PDE7B: variants seen among roughly 807,000 people sequenced by gnomAD.
The protein encoded by PDE7B is phosphodiesterase 7B, also known as 3',5'-cyclic-AMP phosphodiesterase 7B.
PDE7B carries 29 observed loss-of-function variants against 56.2 expected under a neutral mutation model. The ratio of observed to expected loss-of-function variants is 0.52; its 90% CI spans 0.38 to 0.70. The LOEUF is 0.70. PDE7B is among the 30% of genes least tolerant of loss of function. The pLI is 0.00. For synonymous variants in PDE7B, 197 were observed against 196.9 expected, an observed-to-expected ratio of 1.00 and a Z score of 0.00; for missense variants, 490 against 565.0, an observed-to-expected ratio of 0.87 and a Z score of 1.35.
chr6:135,906,827 T>TTGTTTTTTTTTTTTTG, intron 1 of PDE7B, among the ~76,000 whole-genome samples: 1 of 133,454 alleles, frequency 7.5e-6, no homozygotes, highest in Admixed American at 7.3e-5. Flanking sequence ...TTTTTTTTTT[T>TTGTTTTTTTTTTTTTG]TTTTTTTTTA....
At chr6:135,857,969 T>C (rs1562412715) in intron 1 of PDE7B, among the ~76,000 whole-genome samples, 1 of 152,314 alleles carries the variant, frequency 6.6e-6, no homozygotes, top group East Asian at 1.9e-4. Context: ...AGGCTTACTT[T>C]TCTTGTATAT....
intron 3 of PDE7B, among the ~76,000 whole-genome samples, chr6:136,133,059 A>C (rs1408962994): frequency 1.3e-5 from 2 of 152,110 alleles, no homozygotes; most frequent in Non-Finnish European, 2.9e-5. Flanking sequence ...TAAATCACAG[A>C]ATCCACTCCA....
intron 9 of PDE7B, among the ~76,000 whole-genome samples, chr6:136,177,492 A>T (rs1201544029): frequency 6.6e-6 from 1 of 152,202 alleles, no homozygotes; most frequent in Non-Finnish European, 1.5e-5. Context: ...GACAAAAACT[A>T]GAGTAGAAAC....
At chr6:136,057,433 T>C (rs1466783565) in intron 2 of PDE7B, among the ~76,000 whole-genome samples, 2 of 152,228 alleles carry the variant, frequency 1.3e-5, no homozygotes, top group Non-Finnish European at 1.5e-5. Flanking sequence ...AAGTATACAA[T>C]GAAAGCCTAA....
At chr6:136,037,141 G>T (rs1019625241) in intron 2 of PDE7B, among the ~76,000 whole-genome samples, 1 of 152,194 alleles carries the variant, frequency 6.6e-6, no homozygotes, top group Non-Finnish European at 1.5e-5. Flanking sequence ...CCCTCCAGAA[G>T]GTGAATTGTT....
At chr6:136,090,130 GTTCTTTTT>G (rs1777363830) in intron 2 of PDE7B, among the ~76,000 whole-genome samples, 1 of 152,108 alleles carries the variant, frequency 6.6e-6, no homozygotes, top group East Asian at 1.9e-4. Flanking sequence ...ACAAGCGACT[GTTCTTTTT>G]TATCATCAGA....
intron 10 of PDE7B, among the ~76,000 whole-genome samples, chr6:136,180,526 T>C (rs1196989579): frequency 6.6e-6 from 1 of 152,212 alleles, no homozygotes; most frequent in Non-Finnish European, 1.5e-5. Flanking sequence ...CATTGCTATC[T>C]GTTCTGTGAT....
intron 12 of PDE7B, 74 bp from the exon 13 acceptor site, chr6:136,191,540 C>CA: frequency 8.0e-7 from 1 of 1,244,208 alleles, no homozygotes. Flanking sequence ...GGTGGGTCCC[C>CA]AGTCATGCTC....
intron 2 of PDE7B, among the ~76,000 whole-genome samples, chr6:135,959,935 G>A (rs1369706541): frequency 6.6e-6 from 1 of 151,990 alleles, no homozygotes; most frequent in Non-Finnish European, 1.5e-5. Flanking sequence ...CACCACCCCT[G>A]GCTAATTTTT....
At chr6:136,110,300 A>G (rs1777721572) in intron 3 of PDE7B, among the ~76,000 whole-genome samples, 1 of 152,112 alleles carries the variant, frequency 6.6e-6, no homozygotes, top group Admixed American at 6.5e-5. Context: ...TATACCCTGA[A>G]TGGGCTGTTC....
intron 1 of PDE7B, among the ~76,000 whole-genome samples, chr6:135,876,937 T>C (rs145383786): frequency 6.6e-6 from 1 of 152,362 alleles, no homozygotes; most frequent in East Asian, 1.9e-4. Context: ...TCACTATACT[T>C]CATTGTGAAA....
chr6:135,958,095 G>C (rs1256781298), intron 2 of PDE7B, among the ~76,000 whole-genome samples: 1 of 152,106 alleles, frequency 6.6e-6, no homozygotes, highest in African/African-American at 2.4e-5. Context: ...AGCCAGGTGT[G>C]GTGGCACGTG....
At chr6:135,981,226 T>C (rs1484297279) in intron 2 of PDE7B, among the ~76,000 whole-genome samples, 1 of 141,492 alleles carries the variant, frequency 7.1e-6, no homozygotes, top group East Asian at 2.1e-4. Flanking sequence ...TAGGTGGGAA[T>C]TGAACAATGA....
chr6:136,004,723 A>G (rs1775745029), intron 2 of PDE7B, among the ~76,000 whole-genome samples: 1 of 152,252 alleles, frequency 6.6e-6, no homozygotes, highest in Non-Finnish European at 1.5e-5. Flanking sequence ...CAAGTGGAAG[A>G]ACATTCCATG....
chr6:136,134,559 A>G (rs1029272591), intron 3 of PDE7B, among the ~76,000 whole-genome samples: 9 of 151,690 alleles, frequency 5.9e-5, no homozygotes, highest in African/African-American at 2.2e-4. Flanking sequence ...ATTCATTTAA[A>G]TTTCATTCAA....
chr6:136,174,516 C>T (rs943749892), intron 9 of PDE7B, among the ~76,000 whole-genome samples: 21 of 152,090 alleles, frequency 1.4e-4, no homozygotes, highest in African/African-American at 5.1e-4. Context: ...GTTTCATTTT[C>T]CTGGTGGCCC....
At chr6:135,924,115 C>G (rs1774140005) in intron 1 of PDE7B, among the ~76,000 whole-genome samples, 1 of 152,134 alleles carries the variant, frequency 6.6e-6, no homozygotes, top group Admixed American at 6.5e-5. Flanking sequence ...AATAAATTTT[C>G]TAGACCTGTG....
rs1266025752 is a variant in PDE7B, at chr6:136,149,140, C to T, written c.372C>T (p.Arg124=). 4 of 1,607,036 alleles carry T rather than the reference C, an allele frequency of 2.5e-6. No individual in the cohort carries two copies. Among genetic ancestry groups the T allele is most frequent in the Admixed American group, 1.7e-5 (1 of 59,972 alleles). ...ATTTTGACATTTTCTTGTTTGATCG[C>T]TTGACAAATGGTAAGTTACCCAAAA... ...MWDFDIFLFD[R]LTNGNSLVTL... The change falls in exon 5 of 13, where the codon CGC becomes CGT. Residue 124 remains arginine (R), a synonymous_variant. Coordinates refer to ENST00000308191, the MANE Select transcript of PDE7B (RefSeq NM_018945.4).
At chr6:136,012,138 A>G (rs1471533650) in intron 2 of PDE7B, among the ~76,000 whole-genome samples, 1 of 152,030 alleles carries the variant, frequency 6.6e-6, no homozygotes, top group African/African-American at 2.4e-5. Context: ...CCCTCCCCAG[A>G]CAGAGCACCC....
Sources: allele counts gnomAD v4.1 joint callset (sites outside exome capture counted in the v4.1 genomes callset), GRCh38; gene constraint gnomAD v4.1.1; transcripts MANE v1.5; gene names NCBI Gene and HGNC (gene_info 2026-07-23, HGNC 2026-07-21).